Variants in FRMPD4 observed in about 807,000 individuals in gnomAD.
FRMPD4 encodes FERM and PDZ domain containing 4.
FRMPD4 carries 22 observed loss-of-function variants against 94.1 expected under a neutral mutation model. The observed-to-expected ratio is 0.23, with a 90% confidence interval of 0.17 to 0.33. The LOEUF (loss-of-function observed/expected upper bound fraction) is 0.33, where lower values mean the gene tolerates loss of function less well. Ranked by LOEUF, FRMPD4 falls within the 10% of genes least tolerant of loss-of-function variation. FRMPD4 has a pLI of 1.00. For missense variants in FRMPD4, 1,111 were observed against 1,339.9 expected (o/e 0.83, Z 2.67); for synonymous variants, 631 against 548.6 (o/e 1.15, Z -2.10).
intron 3 of FRMPD4, among the ~76,000 whole-genome samples, chrX:12,077,762 TTCTC>T (rs745971579): frequency 9.3e-6 from 1 of 108,046 alleles, no homozygotes; most frequent in Non-Finnish European, 1.9e-5. Flanking sequence ...ACCTGCAGAC[TTCTC>T]TCTCTCTCTC....
intron 1 of FRMPD4, among the ~76,000 whole-genome samples, chrX:12,271,229 T>C (rs759871863): frequency 8.9e-6 from 1 of 112,352 alleles, no homozygotes; most frequent in South Asian, 3.7e-4. Context: ...CTGTAACATA[T>C]ATGCAGAATA....
rs766546962 is a variant in FRMPD4, at chrX:12,683,472, T to C, written c.469-11T>C. The C allele has an allele frequency of 3.2e-5, 31 of 969,703 alleles. No homozygotes were observed. Among genetic ancestry groups the C allele is most frequent in the Middle Eastern group, 2.6e-4 (1 of 3,789 alleles). 79.9% of individuals were successfully genotyped at this position (969,703 alleles called of 1,213,427 possible). A position where few individuals can be genotyped will look rare whatever the true frequency, so the allele number is the denominator to read the frequency against. On this transcript the variant is annotated splice_polypyrimidine_tract_variant and intron_variant, in intron 5 of 16. Transcript: ENST00000675598. ...ACCAGTAATCAGATAAAATGTTTTC[T>C]TTTCTTCTAGTCTCCCAAATCAGCA... is the stretch of plus-strand genomic sequence containing the variant.
chrX:12,101,699 G>A (rs986791793), intron 3 of FRMPD4, among the ~76,000 whole-genome samples: 3 of 110,147 alleles, frequency 2.7e-5, no homozygotes, highest in South Asian at 3.9e-4. Flanking sequence ...TAAAAAATTC[G>A]GACCGTATAT....
intron 1 of FRMPD4, among the ~76,000 whole-genome samples, chrX:12,393,984 C>A (rs2056510543): frequency 9.0e-6 from 1 of 110,853 alleles, no homozygotes; most frequent in Admixed American, 9.5e-5. Context: ...TAAGTTATCA[C>A]CATATATGGT....
chrX:12,020,155 A>G (rs1406552512), intron 3 of FRMPD4, among the ~76,000 whole-genome samples: 1 of 112,085 alleles, frequency 8.9e-6, no homozygotes, highest in African/African-American at 3.2e-5. Context: ...GAATATCAAC[A>G]TCTATCTCCT....
At chrX:12,584,255 C>A (rs748007824) in intron 2 of FRMPD4, among the ~76,000 whole-genome samples, 3 of 111,976 alleles carry the variant, frequency 2.7e-5, no homozygotes, top group Non-Finnish European at 5.6e-5. Flanking sequence ...GTGTTTGGAG[C>A]GATGCACTGG....
intron 1 of FRMPD4, among the ~76,000 whole-genome samples, chrX:12,243,105 C>T (rs1227984720): frequency 8.9e-6 from 1 of 112,139 alleles, no homozygotes; most frequent in Non-Finnish European, 1.9e-5. Flanking sequence ...TGATTTCAAA[C>T]TTCAGGGCTC....
chrX:12,661,527 A>T (rs1363079193), intron 4 of FRMPD4, among the ~76,000 whole-genome samples: 1 of 111,903 alleles, frequency 8.9e-6, no homozygotes, highest in Non-Finnish European at 1.9e-5. Context: ...TGGTGGCTTC[A>T]TTATGCCCAT....
At chrX:12,251,136 C>T (rs890237311) in intron 1 of FRMPD4, among the ~76,000 whole-genome samples, 6 of 112,048 alleles carry the variant, frequency 5.4e-5, no homozygotes. Flanking sequence ...CCTTGAAGAC[C>T]GAGGAGATCC....
chrX:11,978,387 G>A (rs2054379717), intron 3 of FRMPD4, among the ~76,000 whole-genome samples: 1 of 108,246 alleles, frequency 9.2e-6, no homozygotes, highest in African/African-American at 3.4e-5. Flanking sequence ...CAGATGGTTG[G>A]GGGGCCTTAG....
At chrX:12,634,647 G>A (rs1462353515) in intron 4 of FRMPD4, among the ~76,000 whole-genome samples, 1 of 110,905 alleles carries the variant, frequency 9.0e-6, no homozygotes, top group Non-Finnish European at 1.9e-5. Flanking sequence ...GCTTCTAAAA[G>A]TGTGATAAAA....
At chrX:11,933,720 T>C (rs1288826168) in intron 3 of FRMPD4, among the ~76,000 whole-genome samples, 1 of 111,967 alleles carries the variant, frequency 8.9e-6, no homozygotes, top group African/African-American at 3.2e-5. Context: ...TTCCAAAATA[T>C]TTGGTGACGT....
At chrX:11,869,117 T>A (rs959734639) in intron 2 of FRMPD4, among the ~76,000 whole-genome samples, 11 of 112,179 alleles carry the variant, frequency 9.8e-5, no homozygotes, top group Non-Finnish European at 1.9e-4. Context: ...ATAAAGAAAT[T>A]CAAGGTGATA....
exon 3 of FRMPD4, among the ~76,000 whole-genome samples, chrX:11,877,939 G>A (rs778123002): frequency 1.8e-5 from 2 of 112,159 alleles, no homozygotes; most frequent in South Asian, 7.5e-4. Context: ...GGAGGACCTT[G>A]AAGGAGAAAA....
At chrX:12,230,040 T>G (rs1299472115) in intron 1 of FRMPD4, among the ~76,000 whole-genome samples, 3 of 111,674 alleles carry the variant, frequency 2.7e-5, no homozygotes, top group Non-Finnish European at 5.6e-5. Flanking sequence ...TTTGTTCACT[T>G]TATGACTACT....
chrX:12,562,523 G>A (rs1446967838), intron 2 of FRMPD4, among the ~76,000 whole-genome samples: 1 of 112,541 alleles, frequency 8.9e-6, no homozygotes, highest in Non-Finnish European at 1.9e-5. Context: ...AGTAATTTTA[G>A]CTCCTTGAGA....
chrX:11,853,119 A>G (rs1324707323), intron 1 of FRMPD4, among the ~76,000 whole-genome samples: 1 of 112,261 alleles, frequency 8.9e-6, no homozygotes, highest in African/African-American at 3.2e-5. Context: ...TTTACATGGA[A>G]ATTGAATAAC....
In FRMPD4 at chrX:12,375,729, G is replaced by A. The variant is rs767712292; in HGVS notation, c.42-122951G>A. Among the ~76,000 whole-genome samples, 13 of 111,949 alleles carry A rather than the reference G, an allele frequency of 1.2e-4. No homozygotes were observed. The South Asian group carries it at 4.5e-3, about 39-fold the overall frequency. ...ATGACACTAGAAGGTCAAGGTCATCGGGGGCCTAAGTTGTCCCCACCACAG... is the reference window on the plus strand; with the variant it reads ...ATGACACTAGAAGGTCAAGGTCATCAGGGGCCTAAGTTGTCCCCACCACAG... On this transcript the variant is annotated intron_variant, in intron 1 of 16. Coordinates refer to ENST00000675598, the MANE Select transcript of FRMPD4 (RefSeq NM_001368397.1).
At chrX:11,917,675 C>T (rs149860075) in intron 3 of FRMPD4, among the ~76,000 whole-genome samples, 37 of 111,121 alleles carry the variant, frequency 3.3e-4, no homozygotes, top group Middle Eastern at 4.6e-3. Flanking sequence ...TAAGTGGGAG[C>T]TAAACAATGG....
Sources: gnomAD v4.1 joint callset for allele counts (sites outside exome capture counted in the v4.1 genomes callset) on GRCh38, gnomAD v4.1.1 for gene constraint, MANE v1.5 for transcripts, NCBI Gene and HGNC (gene_info 2026-07-23, HGNC 2026-07-21) for gene names.